The following FBXW7 variants were observed in gnomAD, a reference collection of about 807,000 sequenced individuals.
FBXW7 encodes the protein F-box/WD repeat-containing protein 7.
Under a neutral mutation model 86.3 loss-of-function variants are expected in FBXW7, and 11 were observed. That is an observed-to-expected ratio of 0.13 (90% confidence interval 0.08 to 0.21). The LOEUF (loss-of-function observed/expected upper bound fraction) is 0.21, where lower values mean the gene tolerates loss of function less well. Among genes scored for constraint, FBXW7 ranks in the 10% least tolerant of loss-of-function variants. The pLI is 1.00. For synonymous variants in FBXW7, 313 were observed against 297.9 expected (o/e 1.05, Z -0.52); for missense variants, 488 against 847.4 (o/e 0.58, Z 5.27).
rs1001735560 is a variant in FBXW7, at chr4:152,353,119, T to C, written c.502-2995A>G. 14 of 550,092 alleles carry C rather than the reference T, an allele frequency of 2.5e-5. No homozygotes were observed. The African/African-American group carries it at 2.8e-4, about 11-fold the overall frequency. The allele number at this position is 550,092 out of a possible 1,614,324, so 34.1% of individuals were successfully genotyped here. A position where few individuals can be genotyped will look rare whatever the true frequency, so the allele number is the denominator to read the frequency against. On this transcript the variant is annotated intron_variant, in intron 4 of 13. Coordinates refer to ENST00000281708, the MANE Select transcript of FBXW7 (RefSeq NM_001349798.2). ...AGCAAGGAACATTTCCACAAATAAG[T>C]CTTTTCAGAAACATTTTGAAAATAG...
rs567424160 is a variant in FBXW7 at position 152,491,030 on chromosome 4, G to A, written c.-120+43911C>T. On this transcript the variant is annotated intron_variant, in intron 2 of 13. Coordinates refer to ENST00000281708, the MANE Select transcript of FBXW7 (RefSeq NM_001349798.2). ...GAGGAAAGGGGTCTTTCACTCACAC[G>A]GCTTAATACATTAATAAGGAAGAAG... 7.2e-5 allele frequency among the ~76,000 whole-genome samples: 11 copies of A among 152,174 alleles called. No homozygotes were observed. In the East Asian group the frequency reaches 1.4e-3, roughly 19 times the overall value.
rs150569721 is a variant in FBXW7, at chr4:152,400,370, T to C, written c.501+10933A>G. ...AAGAGAAAACCTAAATGGCCTTGGGTATAGACATGACTTTTTGCTGGGGTA... is the reference window on the plus strand; with the variant it reads ...AAGAGAAAACCTAAATGGCCTTGGGCATAGACATGACTTTTTGCTGGGGTA... On this transcript the variant is annotated intron_variant, in intron 4 of 13. Coordinates refer to ENST00000281708, the MANE Select transcript of FBXW7 (RefSeq NM_001349798.2). Among the ~76,000 whole-genome samples the C allele has an allele frequency of 2.0e-5, 3 of 152,236 alleles. No homozygotes were observed. In the East Asian group the frequency reaches 5.8e-4, roughly 29 times the overall value.
Position 152,337,935 on chromosome 4 carries a change from C to G in FBXW7, c.728G>C (p.Ser243Thr), listed in dbSNP as rs1560774856. Residue 243 changes from serine (S) to threonine (T), a missense_variant and splice_region_variant, in exon 7 of 14, where the codon AGC (serine) becomes ACC (threonine). This residue lies in a region of FBXW7 where 59 missense variants were observed against 137.9 expected (regional missense o/e 0.43). Coordinates refer to ENST00000281708, the MANE Select transcript of FBXW7 (RefSeq NM_001349798.2). ...GLQEWLKMFQ[S>T]WSGPEKLLAL... ...AAGCAATTTCTCTGGTCCACTCCAG[C>G]TCTATCAAAGAGAATTAGAAATTTT... The G allele has an allele frequency of 1.3e-6, 2 of 1,598,466 alleles. No homozygotes were observed. The highest frequency in any genetic ancestry group is 1.4e-5 in the African/African-American group (1 of 73,818).
At chr4:152,412,726 G>A (rs1738077360) in intron 2 of FBXW7, 197 bp from the exon 3 acceptor site, 1 of 151,990 alleles carries the variant, frequency 6.6e-6, no homozygotes, top group Admixed American at 6.6e-5. Flanking sequence ...TAAAAACATG[G>A]ATGTTATAAT....
chr4:152,321,855 A>G lies in FBXW7; in HGVS notation c.*1026T>C, dbSNP rs1728585831. On this transcript the variant is annotated 3_prime_UTR_variant, in exon 14 of 14. Transcript: ENST00000281708. The stretch of plus-strand genomic sequence containing the variant: ...TTTAATTTTTGCCCAGATAAAAGAA[A>G]ATAAGCTTTGCACACACTCTCAATT... The G allele has an allele frequency of 1.3e-5, 3 of 232,664 alleles. No homozygotes were observed. 14.4% of individuals were successfully genotyped at this position (232,664 alleles called of 1,614,324 possible).
chr4:152,365,004 T>C (rs1339294203), intron 4 of FBXW7, among the ~76,000 whole-genome samples: 1 of 152,140 alleles, frequency 6.6e-6, no homozygotes, highest in African/African-American at 2.4e-5. Context: ...GTTCACAGCA[T>C]AGTGGGCAAG....
chr4:152,400,821 T>G (rs1202450589), intron 4 of FBXW7, among the ~76,000 whole-genome samples: 1 of 152,154 alleles, frequency 6.6e-6, no homozygotes. Flanking sequence ...GCACATGGGA[T>G]AAACGATTGT....
chr4:152,443,625 T>C (rs1055831769), intron 2 of FBXW7, among the ~76,000 whole-genome samples: 1 of 151,950 alleles, frequency 6.6e-6, no homozygotes, highest in Non-Finnish European at 1.5e-5. Context: ...AAATTGATTT[T>C]TTTCTCTTCT....
At chr4:152,449,236 C>T (rs906751172) in intron 2 of FBXW7, among the ~76,000 whole-genome samples, 1 of 152,158 alleles carries the variant, frequency 6.6e-6, no homozygotes, top group Non-Finnish European at 1.5e-5. Context: ...TACTTCTATA[C>T]TATAGATTAA....
intron 2 of FBXW7, among the ~76,000 whole-genome samples, chr4:152,521,809 AT>A (rs575881137): frequency 4.3e-3 from 434 of 100,730 alleles, no homozygotes; most frequent in African/African-American, 0.013. Context: ...TAAGGGTCCA[AT>A]TTTTTTTTTT....
chr4:152,443,687 T>C (rs1004381312), intron 2 of FBXW7, among the ~76,000 whole-genome samples: 1 of 152,096 alleles, frequency 6.6e-6, no homozygotes, highest in Non-Finnish European at 1.5e-5. Context: ...ATTTGCTGGG[T>C]GGGTAGGTAA....
rs551942614 is a variant in FBXW7 at position 152,398,918 on chromosome 4, A to G, written c.501+12385T>C. ...GTTTGAAAAATTGATAATACTGTTT[A>G]AAGTTGGTGAAATAATAATTTCAAA... On this transcript the variant is annotated intron_variant, in intron 4 of 13. Coordinates refer to ENST00000281708, the MANE Select transcript of FBXW7 (RefSeq NM_001349798.2). Among the ~76,000 whole-genome samples the G allele has an allele frequency of 6.6e-5, 10 of 152,120 alleles. 1 individual carries two copies. The highest frequency in any genetic ancestry group is 1.9e-4 in the East Asian group (1 of 5,190).
chr4:152,415,574 A>G (rs1738355288), intron 2 of FBXW7, among the ~76,000 whole-genome samples: 1 of 152,100 alleles, frequency 6.6e-6, no homozygotes, highest in African/African-American at 2.4e-5. Context: ...ATTAGGAGTA[A>G]GTACCTGAAA....
At chr4:152,370,104 C>T (rs1560815979) in intron 4 of FBXW7, among the ~76,000 whole-genome samples, 3 of 151,924 alleles carry the variant, frequency 2.0e-5, no homozygotes, top group African/African-American at 4.8e-5. Flanking sequence ...TTAGTAGCAA[C>T]AGTGACATTT....
At chr4:152,503,123 T>G (rs1747106072) in intron 2 of FBXW7, among the ~76,000 whole-genome samples, 2 of 152,146 alleles carry the variant, frequency 1.3e-5, no homozygotes, top group African/African-American at 4.8e-5. Context: ...AAATAGATAC[T>G]TTACAACACG....
intron 2 of FBXW7, among the ~76,000 whole-genome samples, chr4:152,453,511 G>A (rs1480888127): frequency 2.6e-5 from 4 of 151,962 alleles, no homozygotes; most frequent in Non-Finnish European, 5.9e-5. Flanking sequence ...ATACAAAAAC[G>A]GGCTAAAATC....
intron 11 of FBXW7, 143 bp from the exon 12 acceptor site, chr4:152,326,374 A>G (rs947038921): frequency 6.1e-6 from 4 of 656,684 alleles, no homozygotes; most frequent in Non-Finnish European, 7.7e-6. Flanking sequence ...ACCATTTTCA[A>G]AAGAAATCCT....
intron 2 of FBXW7, among the ~76,000 whole-genome samples, chr4:152,493,188 A>C (rs938388184): frequency 1.3e-5 from 2 of 151,986 alleles, no homozygotes; most frequent in Non-Finnish European, 1.5e-5. Flanking sequence ...TTCCAGAGAC[A>C]GACTCTCGCT....
chr4:152,403,769 C>T (rs1016501295), intron 4 of FBXW7, among the ~76,000 whole-genome samples: 1 of 152,154 alleles, frequency 6.6e-6, no homozygotes, highest in Non-Finnish European at 1.5e-5. Context: ...TCACCTACCG[C>T]CCGCCTCCTG....
Sources: gnomAD v4.1 joint callset for allele counts (sites outside exome capture counted in the v4.1 genomes callset) on GRCh38, gnomAD v4.1.1 for gene constraint, gnomAD v4.1.1 regional missense constraint, MANE v1.5 for transcripts, NCBI Gene and HGNC (gene_info 2026-07-23, HGNC 2026-07-21) for gene names.